The following LTBP1 variants were observed in gnomAD, a reference collection of about 807,000 sequenced individuals.
LTBP1 encodes the protein latent-transforming growth factor beta-binding protein 1.
A neutral mutation model predicts 207.6 loss-of-function variants in LTBP1; 129 were observed. The ratio of observed to expected loss-of-function variants is 0.62; its 90% CI spans 0.54 to 0.72. The LOEUF (loss-of-function observed/expected upper bound fraction) is 0.72, where lower values mean the gene tolerates loss of function less well. Ranked by LOEUF, LTBP1 falls within the 30% of genes least tolerant of loss-of-function variation. LTBP1 has a pLI of 0.00. For missense variants in LTBP1, 2,281 were observed against 2,217.2 expected (o/e 1.03, Z -0.58); for synonymous variants, 963 against 833.7 (o/e 1.16, Z -2.67).
chr2:33,059,120 A>G lies in LTBP1; in HGVS notation c.863+37914A>G, dbSNP rs2077147271. 2.0e-5 allele frequency among the ~76,000 whole-genome samples: 3 copies of G among 152,224 alleles called. No homozygotes were observed. In the South Asian group the frequency reaches 6.2e-4, roughly 32 times the overall value. ...TTTAAAAGGCAGCACTAGGCAATGC[A>G]ACATTTAAGAAGTGTTTTTTGCCTG... On this transcript the variant is annotated intron_variant, in intron 3 of 33. Coordinates refer to ENST00000404816, the MANE Select transcript of LTBP1 (RefSeq NM_206943.4).
At chr2:33,308,416 A>T (rs2149132172) in intron 22 of LTBP1, among the ~76,000 whole-genome samples, 1 of 152,302 alleles carries the variant, frequency 6.6e-6, no homozygotes, top group African/African-American at 2.4e-5. Flanking sequence ...TGAATAAGTG[A>T]CTTAAACTAG....
In LTBP1 at chr2:33,183,485, A is replaced by G. The variant is rs142603998; in HGVS notation, c.1202-3371A>G. ...TTATTCACATCATGATTTGCGAACC[A>G]AAGAGCTAGCAGTGAAGTTTGTATT... On this transcript the variant is annotated intron_variant, in intron 5 of 33. Transcript: ENST00000404816. 1.5e-3 allele frequency among the ~76,000 whole-genome samples: 224 copies of G among 152,352 alleles called. 2 individuals are homozygous for G. Among genetic ancestry groups the G allele is most frequent in the African/African-American group, 5.1e-3 (211 of 41,578 alleles).
chr2:33,005,840 A>C (rs533254708), intron 2 of LTBP1, among the ~76,000 whole-genome samples: 4 of 151,346 alleles, frequency 2.6e-5, no homozygotes, highest in South Asian at 4.2e-4. Context: ...GCCTGCCTTG[A>C]CCTCCCAGAC....
intron 3 of LTBP1, among the ~76,000 whole-genome samples, chr2:33,090,669 G>A (rs777811778): frequency 9.9e-5 from 15 of 152,166 alleles, no homozygotes; most frequent in Non-Finnish European, 1.5e-4. Flanking sequence ...AATAGGTCAC[G>A]TTACCCTGTT....
chr2:33,233,340 C>T (rs72858056), intron 9 of LTBP1, among the ~76,000 whole-genome samples: 7,237 of 152,136 alleles, frequency 0.048, 593 homozygotes, highest in African/African-American at 0.17. Flanking sequence ...AATTTTAAGA[C>T]TGTTTTTCAT....
chr2:32,954,751 T>A (rs1477755003), intron 2 of LTBP1, among the ~76,000 whole-genome samples: 9 of 152,096 alleles, frequency 5.9e-5, no homozygotes, highest in African/African-American at 1.9e-4. Context: ...CAGAGTTGGC[T>A]CATTCCTGGG....
intron 4 of LTBP1, among the ~76,000 whole-genome samples, chr2:33,129,932 T>G (rs1006508816): frequency 1.3e-5 from 2 of 152,142 alleles, no homozygotes; most frequent in Non-Finnish European, 2.9e-5. Context: ...TCTTGGAGGG[T>G]TTTCCAGGAC....
chr2:33,253,375 A>G (rs936878387), intron 11 of LTBP1, among the ~76,000 whole-genome samples: 2 of 152,248 alleles, frequency 1.3e-5, no homozygotes, highest in African/African-American at 4.8e-5. Context: ...GGAGTTGAGT[A>G]TTAAGAAGTA....
intron 3 of LTBP1, among the ~76,000 whole-genome samples, chr2:33,049,506 G>A (rs1464563113): frequency 6.6e-6 from 1 of 152,058 alleles, no homozygotes; most frequent in East Asian, 1.9e-4. Context: ...CCTCTGAATT[G>A]CCATATCAGT....
intron 15 of LTBP1, among the ~76,000 whole-genome samples, chr2:33,270,569 G>A (rs2093297584): frequency 8.4e-6 from 1 of 119,280 alleles, no homozygotes; most frequent in African/African-American, 3.3e-5. Flanking sequence ...CAGCCTGGGT[G>A]ACAGAGCAAG....
chr2:33,217,524 C>T, intron 7 of LTBP1, 28 bp from the exon 8 acceptor site: 1 of 1,549,486 alleles, frequency 6.5e-7, no homozygotes, highest in Non-Finnish European at 8.9e-7. Flanking sequence ...CTCAATTAAC[C>T]TTCATATTTC....
chr2:33,160,975 C>T (rs1264634316), intron 5 of LTBP1, among the ~76,000 whole-genome samples: 1 of 152,088 alleles, frequency 6.6e-6, no homozygotes, highest in Non-Finnish European at 1.5e-5. Flanking sequence ...CTTTCTTGCC[C>T]CTCTTGACCA....
chr2:33,292,818 T>C (rs2093800429), intron 19 of LTBP1, among the ~76,000 whole-genome samples: 1 of 152,226 alleles, frequency 6.6e-6, no homozygotes, highest in African/African-American at 2.4e-5. Context: ...CCTCAACCCA[T>C]CTTTGGTTCT....
At chr2:33,305,522 A>T (rs2094074785) in intron 22 of LTBP1, among the ~76,000 whole-genome samples, 1 of 152,206 alleles carries the variant, frequency 6.6e-6, no homozygotes. Flanking sequence ...GGAATAGCAG[A>T]TGCGGATGCC....
chr2:33,319,122 G>T (rs918570562), intron 24 of LTBP1, among the ~76,000 whole-genome samples: 1 of 152,098 alleles, frequency 6.6e-6, no homozygotes, highest in African/African-American at 2.4e-5. Flanking sequence ...ATCTGACCAG[G>T]CACAGTGGTT....
intron 3 of LTBP1, among the ~76,000 whole-genome samples, chr2:33,081,041 T>TA (rs898797090): frequency 6.6e-6 from 1 of 152,132 alleles, no homozygotes; most frequent in African/African-American, 2.4e-5. Flanking sequence ...ATTTTATGCT[T>TA]AGATTAGATG....
At chr2:33,071,127 A>G (rs1336053171) in intron 3 of LTBP1, among the ~76,000 whole-genome samples, 1 of 152,202 alleles carries the variant, frequency 6.6e-6, no homozygotes, top group Non-Finnish European at 1.5e-5. Flanking sequence ...GAGGGCCACT[A>G]TGTGCAGTCC....
At chr2:33,022,168 T>C (rs1172152734) in intron 3 of LTBP1, among the ~76,000 whole-genome samples, 1 of 152,080 alleles carries the variant, frequency 6.6e-6, no homozygotes, top group Non-Finnish European at 1.5e-5. Flanking sequence ...TTGCTATAGA[T>C]GAAATTATCC....
At chr2:33,133,822 T>C (rs1050698910) in intron 4 of LTBP1, among the ~76,000 whole-genome samples, 6 of 152,118 alleles carry the variant, frequency 3.9e-5, no homozygotes, top group Admixed American at 3.9e-4. Context: ...TTCTCTCAAG[T>C]TTTGGAAAAA....
Sources: gnomAD v4.1 joint callset for allele counts (sites outside exome capture counted in the v4.1 genomes callset) on GRCh38, gnomAD v4.1.1 for gene constraint, MANE v1.5 for transcripts, NCBI Gene and HGNC (gene_info 2026-07-23, HGNC 2026-07-21) for gene names.